The following PCDHA13 variants were observed in gnomAD, a reference collection of about 807,000 sequenced individuals.
PCDHA13 encodes protocadherin alpha 13, also known as protocadherin alpha-13.
Under a neutral mutation model 64.8 loss-of-function variants are expected in PCDHA13, and 54 were observed. The ratio of observed to expected loss-of-function variants is 0.83; its 90% confidence interval spans 0.67 to 1.04. The LOEUF is 1.04. PCDHA13 is among the 50% of genes least tolerant of loss of function. The probability of loss-of-function intolerance (pLI) is 0.00; values close to 1 mark genes in which losing one functional copy is unlikely to be tolerated. For synonymous variants in PCDHA13, 587 were observed against 564.4 expected, an observed-to-expected ratio of 1.04 and a Z score of -0.57; for missense variants, 1,248 against 1,254.3, an observed-to-expected ratio of 0.99 and a Z score of 0.08.
At chr5:140,976,740 A>C (rs1425716353) in intron 1 of PCDHA13, among the ~76,000 whole-genome samples, 7 of 152,192 alleles carry the variant, frequency 4.6e-5, no homozygotes, top group African/African-American at 1.7e-4. Flanking sequence ...CACATTTTAA[A>C]AACCTCCCAG....
At chr5:140,916,072 AC>A (rs1445012621) in intron 1 of PCDHA13, among the ~76,000 whole-genome samples, 4 of 152,054 alleles carry the variant, frequency 2.6e-5, no homozygotes, top group Non-Finnish European at 5.9e-5. Flanking sequence ...TGTGGCCAGT[AC>A]TACCACTGGT....
Position 140,913,941 on chromosome 5 carries a change from C to T in PCDHA13, c.2394+29279C>T, listed in dbSNP as rs950871389. ...TACTTCATTGTGGTCAGAGAAGAAT[C>T]TTGATATGATATCATTTTTAAAAAA... On this transcript the variant is annotated intron_variant, in intron 1 of 3. Transcript: ENST00000289272. Among the ~76,000 whole-genome samples, 3 of 152,102 alleles carry T rather than the reference C, an allele frequency of 2.0e-5. No homozygotes were observed. In the East Asian group the frequency reaches 5.8e-4, roughly 29 times the overall value.
chr5:140,933,695 G>A lies in PCDHA13; in HGVS notation c.2395-45254G>A, dbSNP rs575994908. On this transcript the variant is annotated intron_variant, in intron 1 of 3. Coordinates refer to ENST00000289272, the MANE Select transcript of PCDHA13 (RefSeq NM_018904.3). ...TCTCACATTTTTTTTCCTATTCCTCGGACACATTTACTGAGATTGGTGATA... is the reference window on the plus strand; with the variant it reads ...TCTCACATTTTTTTTCCTATTCCTCAGACACATTTACTGAGATTGGTGATA... Among the ~76,000 whole-genome samples the A allele has an allele frequency of 1.8e-4, 27 of 151,494 alleles. 1 individual carries two copies. The South Asian group carries it at 3.7e-3, about 21-fold the overall frequency.
chr5:140,926,903 G>GT, intron 1 of PCDHA13: 1 of 1,558,060 alleles, frequency 6.4e-7, no homozygotes, highest in Non-Finnish European at 8.7e-7. Context: ...ATGGTGGGCT[G>GT]TGGGGTGGCA....
At chr5:140,954,299 C>T (rs964431670) in intron 1 of PCDHA13, among the ~76,000 whole-genome samples, 2 of 152,166 alleles carry the variant, frequency 1.3e-5, no homozygotes, top group Non-Finnish European at 2.9e-5. Context: ...GGTACATACC[C>T]AGTAATGGGA....
At chr5:140,955,552 C>T (rs1554221978) in intron 1 of PCDHA13, among the ~76,000 whole-genome samples, 2 of 152,092 alleles carry the variant, frequency 1.3e-5, no homozygotes, top group African/African-American at 4.8e-5. Flanking sequence ...TTGAGGCCTC[C>T]CCAGCCATAC....
At chr5:140,909,344 C>T (rs900022411) in intron 1 of PCDHA13, among the ~76,000 whole-genome samples, 1 of 152,164 alleles carries the variant, frequency 6.6e-6, no homozygotes, top group Non-Finnish European at 1.5e-5. Context: ...TACCAGGTAC[C>T]AAGAGATGTG....
intron 1 of PCDHA13, among the ~76,000 whole-genome samples, chr5:140,939,496 T>C (rs1056805885): frequency 4.6e-5 from 7 of 150,952 alleles, no homozygotes; most frequent in African/African-American, 1.5e-4. Context: ...AATTATAAAT[T>C]CAATGTCTAT....
chr5:140,916,579 T>C (rs1013124807), intron 1 of PCDHA13, among the ~76,000 whole-genome samples: 14 of 152,176 alleles, frequency 9.2e-5, no homozygotes, highest in Non-Finnish European at 1.6e-4. Context: ...AGAAATGTCA[T>C]CCATGAGCTA....
intron 3 of PCDHA13, among the ~76,000 whole-genome samples, chr5:141,002,329 A>C (rs2098072323): frequency 6.6e-6 from 1 of 152,226 alleles, no homozygotes; most frequent in Non-Finnish European, 1.5e-5. Context: ...GCCGGGCTGC[A>C]TCCGCACCCC....
intron 1 of PCDHA13, chr5:140,928,471 G>A: frequency 6.2e-7 from 1 of 1,614,148 alleles, no homozygotes; most frequent in South Asian, 1.1e-5. Context: ...CCAAGTAGAA[G>A]GCCGGGATGG....
chr5:140,988,156 C>A (rs546335543), intron 3 of PCDHA13, among the ~76,000 whole-genome samples: 1 of 152,054 alleles, frequency 6.6e-6, no homozygotes, highest in Non-Finnish European at 1.5e-5. Flanking sequence ...CAACTTCTGC[C>A]GTTGTCATAG....
intron 1 of PCDHA13, chr5:140,928,751 C>T (rs1387564129): frequency 6.2e-7 from 1 of 1,614,180 alleles, no homozygotes; most frequent in Non-Finnish European, 8.5e-7. Flanking sequence ...GAGCTCCGTA[C>T]TGCTCGCTTA....
chr5:140,933,306 G>A (rs1159375359), intron 1 of PCDHA13, among the ~76,000 whole-genome samples: 1 of 151,920 alleles, frequency 6.6e-6, no homozygotes, highest in African/African-American at 2.4e-5. Context: ...AAATAAATAT[G>A]CAATCTCGTA....
chr5:140,931,546 A>G (rs1416561002), intron 1 of PCDHA13, among the ~76,000 whole-genome samples: 1 of 152,048 alleles, frequency 6.6e-6, no homozygotes, highest in Non-Finnish European at 1.5e-5. Flanking sequence ...TACTGTTCAT[A>G]TGTGCAGGAA....
intron 1 of PCDHA13, among the ~76,000 whole-genome samples, chr5:140,922,046 A>C (rs1388720677): frequency 6.6e-6 from 1 of 152,150 alleles, no homozygotes; most frequent in Non-Finnish European, 1.5e-5. Flanking sequence ...TTTCCCACAT[A>C]CCTTCAAAAT....
At chr5:140,939,104 T>G (rs2092317491) in intron 1 of PCDHA13, among the ~76,000 whole-genome samples, 1 of 152,160 alleles carries the variant, frequency 6.6e-6, no homozygotes, top group South Asian at 2.1e-4. Context: ...CAATAGAAAT[T>G]TATTTTTCAC....
At position 140,942,409 on chromosome 5, in the gene PCDHA13, TA is replaced by T. The variant is rs78736997; in HGVS notation, c.2395-36528del. Among the ~76,000 whole-genome samples, 464 of 143,336 alleles carry T rather than the reference TA, an allele frequency of 3.2e-3. 2 individuals are homozygous for T. Among genetic ancestry groups the T allele is most frequent in the African/African-American group, 7.7e-3 (304 of 39,312 alleles). The allele number at this position is 143,336 out of a possible 152,430, so 94.0% of individuals were successfully genotyped here. Reference sequence around the variant, plus strand: ...CCTGGGCGACAGATGAGACTCTGTTTAAAAAAAAAAAAGATATCTAACAATA... The same window carrying T: ...CCTGGGCGACAGATGAGACTCTGTTTAAAAAAAAAAAGATATCTAACAATA... On this transcript the variant is annotated intron_variant, in intron 1 of 3. Transcript: ENST00000289272.
chr5:140,896,053 C>T (rs371706160), intron 1 of PCDHA13, among the ~76,000 whole-genome samples: 8 of 152,164 alleles, frequency 5.3e-5, no homozygotes, highest in Non-Finnish European at 1.2e-4. Context: ...TCAGGTGATC[C>T]GCCTGCCTCG....
Sources: gnomAD v4.1 joint callset for allele counts (sites outside exome capture counted in the v4.1 genomes callset) on GRCh38, gnomAD v4.1.1 for gene constraint, MANE v1.5 for transcripts, NCBI Gene and HGNC (gene_info 2026-07-23, HGNC 2026-07-21) for gene names.